WDR64: variants seen among roughly 807,000 people sequenced by gnomAD.
WDR64 encodes WD repeat-containing protein 64.
Under a neutral mutation model 139.3 loss-of-function variants are expected in WDR64, and 112 were observed. That is an observed-to-expected ratio of 0.80 (90% CI 0.69 to 0.94). WDR64 has a LOEUF of 0.94. Among genes scored for constraint, WDR64 ranks in the 40% least tolerant of loss-of-function variants. The pLI is 0.00. For missense variants in WDR64, 1,206 were observed against 1,293.1 expected, an observed-to-expected ratio of 0.93 and a Z score of 1.03; for synonymous variants, 444 against 437.7, an observed-to-expected ratio of 1.01 and a Z score of -0.18.
At chr1:241,679,669 T>A in intron 6 of WDR64, 74 bp downstream of exon 6, 2 of 1,236,192 alleles carry the variant, frequency 1.6e-6, no homozygotes, top group Non-Finnish European at 2.3e-6. Flanking sequence ...GCAATCCACT[T>A]TCTCTATTGA....
rs764339981 is a variant in WDR64 at position 241,766,239 on chromosome 1, C to T, written c.1969C>T (p.Arg657Ter). The T allele has an allele frequency of 1.7e-5, 27 of 1,613,838 alleles. No individual in the cohort carries two copies. The highest frequency in any genetic ancestry group is 8.9e-5 in the East Asian group (4 of 44,882). Residue 657 changes from arginine to a stop codon, truncating the protein, a stop_gained, in exon 16 of 28, where the codon CGA (arginine) becomes TGA (stop). Coordinates refer to ENST00000437684, the MANE Select transcript of WDR64 (RefSeq NM_001367482.1). LOFTEE classifies it high-confidence loss of function. ...PTDNPTMDLL[R>*]VNCIDLLQVE... ...TCAGAATCCCACCATGGATTTATTA[C>T]GAGTGAACTGCATTGATTTACTACA... is the stretch of plus-strand genomic sequence containing the variant.
chr1:241,769,353 A>T (rs929717649), intron 16 of WDR64, 51 bp from the exon 17 acceptor site: 49 of 1,402,806 alleles, frequency 3.5e-5, no homozygotes, highest in Non-Finnish European at 4.6e-5. Flanking sequence ...TAGTACTGTA[A>T]GCTCCATAAT....
chr1:241,679,476 T>C lies in WDR64; in HGVS notation c.514-9T>C. The C allele has an allele frequency of 6.4e-7, 1 of 1,551,176 alleles. No homozygotes were observed. The highest frequency in any genetic ancestry group is 8.7e-7 in the Non-Finnish European group (1 of 1,146,168). On this transcript the variant is annotated splice_polypyrimidine_tract_variant and intron_variant, in intron 5 of 27. Coordinates refer to ENST00000437684, the MANE Select transcript of WDR64 (RefSeq NM_001367482.1). ...CATTATATCCCCCAATTCTCTGCTT[T>C]TCTATCAGGACACCTCCTGGATTAC...
chr1:241,697,335 CTTCTT>C (rs1335112722), intron 8 of WDR64, among the ~76,000 whole-genome samples: 1 of 152,206 alleles, frequency 6.6e-6, no homozygotes, highest in Non-Finnish European at 1.5e-5. Flanking sequence ...CGTACCTATT[CTTCTT>C]TTCTTTTTGT....
chr1:241,731,917 C>A (rs567827167), intron 10 of WDR64, among the ~76,000 whole-genome samples: 1 of 152,206 alleles, frequency 6.6e-6, no homozygotes, highest in South Asian at 2.1e-4. Flanking sequence ...TGAGTGCCTG[C>A]CATTTATACT....
chr1:241,674,256 C>CTTT (rs544401027), intron 3 of WDR64, among the ~76,000 whole-genome samples: 3,066 of 121,016 alleles, frequency 0.025, 350 homozygotes, highest in Middle Eastern at 0.036. Flanking sequence ...CTTTTTTTTT[C>CTTT]TTTTCTTTTT....
intron 16 of WDR64, 56 bp downstream of exon 16, chr1:241,766,407 T>G: frequency 6.4e-7 from 1 of 1,565,474 alleles, no homozygotes; most frequent in Non-Finnish European, 8.7e-7. Context: ...AAGGGCTCAG[T>G]AGCATGCAAC....
chr1:241,693,013 G>A (rs942746015), intron 8 of WDR64, among the ~76,000 whole-genome samples: 3 of 152,144 alleles, frequency 2.0e-5, no homozygotes, highest in Non-Finnish European at 4.4e-5. Context: ...CGTTTCTTAA[G>A]AAAATGAAAC....
chr1:241,753,029 T>C (rs927028507), intron 14 of WDR64, among the ~76,000 whole-genome samples: 1 of 152,164 alleles, frequency 6.6e-6, no homozygotes, highest in African/African-American at 2.4e-5. Context: ...CACCAGTACG[T>C]AGGAGTACTA....
chr1:241,654,118 C>T (rs1665485036), intron 1 of WDR64, among the ~76,000 whole-genome samples: 1 of 152,144 alleles, frequency 6.6e-6, no homozygotes, highest in Non-Finnish European at 1.5e-5. Flanking sequence ...CCCCCTTTTC[C>T]ACTTCTGAAT....
chr1:241,711,958 G>A, intron 9 of WDR64, 77 bp downstream of exon 9: 1 of 1,360,028 alleles, frequency 7.4e-7, no homozygotes, highest in Non-Finnish European at 1.0e-6. Context: ...GTGCTAGGAA[G>A]AACACATTAG....
At chr1:241,771,909 C>A in intron 19 of WDR64, among the ~76,000 whole-genome samples, 1 of 138,718 alleles carries the variant, frequency 7.2e-6, no homozygotes, top group South Asian at 2.3e-4. Context: ...TACATACACA[C>A]ATATACATAT....
chr1:241,658,313 G>GTGTGTGTGTA lies in WDR64; in HGVS notation c.146-2216_146-2215insGTGTGTGTAT, dbSNP rs1491512365. On this transcript the variant is annotated intron_variant, in intron 1 of 27. Coordinates refer to ENST00000437684, the MANE Select transcript of WDR64 (RefSeq NM_001367482.1). ...TGTGTGTGTGTGTGTGTGTGTGTGT[G>GTGTGTGTGTA]TATGTGTTTACATAGAGTTTAAGAA... 3.8e-3 allele frequency among the ~76,000 whole-genome samples: 579 copies of GTGTGTGTGTA among 151,594 alleles called. 2 individuals are homozygous for GTGTGTGTGTA. The highest frequency in any genetic ancestry group is 0.013 in the African/African-American group (552 of 41,282).
intron 1 of WDR64, among the ~76,000 whole-genome samples, chr1:241,655,674 T>C (rs1665561925): frequency 6.7e-6 from 1 of 149,070 alleles, no homozygotes; most frequent in African/African-American, 2.5e-5. Context: ...GCGCATGTCA[T>C]TCCCCAATAT....
chr1:241,733,236 G>A (rs1669162249), intron 10 of WDR64, among the ~76,000 whole-genome samples: 1 of 151,956 alleles, frequency 6.6e-6, no homozygotes. Flanking sequence ...GCACTTTGGG[G>A]GGCCAAGGTG....
intron 8 of WDR64, among the ~76,000 whole-genome samples, chr1:241,711,462 C>A (rs1388771683): frequency 6.6e-6 from 1 of 152,058 alleles, no homozygotes; most frequent in African/African-American, 2.4e-5. Flanking sequence ...TTATGTGCTA[C>A]CCAACAGACT....
intron 14 of WDR64, among the ~76,000 whole-genome samples, chr1:241,753,903 G>A (rs988699789): frequency 1.6e-4 from 24 of 151,962 alleles, no homozygotes; most frequent in African/African-American, 5.8e-4. Context: ...ATATGGCAAA[G>A]GTATCATTAT....
rs760952203 is a variant in WDR64, at chr1:241,711,898, C to G, written c.1054+17C>G. On this transcript the variant is annotated intron_variant, in intron 9 of 27. Transcript: ENST00000437684. ...TCACTGGAGGTGAGAGGGCGGTTCA[C>G]ATTACATAGGGGTTTTCTACTTTGC... 4.3e-6 allele frequency: 7 copies of G among 1,613,212 alleles called. No homozygotes were observed. The African/African-American group carries it at 9.3e-5, about 22-fold the overall frequency.
rs184130963 is a variant in WDR64 at position 241,707,468 on chromosome 1, A to G, written c.975-4334A>G. 3.6e-3 allele frequency among the ~76,000 whole-genome samples: 548 copies of G among 152,334 alleles called. 1 individual carries two copies. The highest frequency in any genetic ancestry group is 0.012 in the African/African-American group (515 of 41,584). ...TTAGACACAGCAGAACTTTTCAAAC[A>G]TATTACAAGCCTAAGCCTTTCCAAT... On this transcript the variant is annotated intron_variant, in intron 8 of 27. Coordinates refer to ENST00000437684, the MANE Select transcript of WDR64 (RefSeq NM_001367482.1).
Sources: gnomAD v4.1 joint callset for allele counts (sites outside exome capture counted in the v4.1 genomes callset) on GRCh38, gnomAD v4.1.1 for gene constraint, MANE v1.5 for transcripts, NCBI Gene and HGNC (gene_info 2026-07-23, HGNC 2026-07-21) for gene names.